EIF4G3: variants seen among roughly 807,000 people sequenced by gnomAD.
EIF4G3 encodes the protein eIF-4-gamma 3.
EIF4G3 carries 34 observed loss-of-function variants against 186.4 expected under a neutral mutation model. The ratio of observed to expected loss-of-function variants is 0.18; its 90% confidence interval spans 0.14 to 0.24. The LOEUF (loss-of-function observed/expected upper bound fraction) is 0.24, where lower values mean the gene tolerates loss of function less well. Ranked by LOEUF, EIF4G3 falls within the 10% of genes least tolerant of loss-of-function variation. The pLI is 1.00. For synonymous variants in EIF4G3, 673 were observed against 679.5 expected, an observed-to-expected ratio of 0.99 and a Z score of 0.15; for missense variants, 1,536 against 1,948.5, an observed-to-expected ratio of 0.79 and a Z score of 3.99.
chr1:21,139,212 ATACTAT>A (rs1448818878), intron 2 of EIF4G3, among the ~76,000 whole-genome samples: 1 of 152,242 alleles, frequency 6.6e-6, no homozygotes, highest in African/African-American at 2.4e-5. Flanking sequence ...AACCCTGTTT[ATACTAT>A]TACTCTAGAA....
At position 20,955,693 on chromosome 1, in the gene EIF4G3, T is replaced by C. The variant is rs559473381; in HGVS notation, c.715-5582A>G. ...GCAGTTACTTAATTTTACTTAAAGG[T>C]TGGGGGTAAACTGACTGGGCTTGAT... is the stretch of plus-strand genomic sequence containing the variant. On this transcript the variant is annotated intron_variant, in intron 12 of 36. Transcript: ENST00000602326. 3.3e-5 allele frequency among the ~76,000 whole-genome samples: 5 copies of C among 152,138 alleles called. No individual in the cohort carries two copies. The East Asian group carries it at 9.7e-4, about 29-fold the overall frequency.
intron 4 of EIF4G3, among the ~76,000 whole-genome samples, chr1:21,017,846 C>A (rs1164864497): frequency 6.6e-6 from 1 of 152,018 alleles, no homozygotes; most frequent in Non-Finnish European, 1.5e-5. Flanking sequence ...CCCAAGCATT[C>A]TGGATAAGGG....
In EIF4G3 at chr1:20,969,496, G is replaced by T; in HGVS notation, c.692C>A (p.Thr231Lys). 6.2e-7 allele frequency: 1 copy of T among 1,613,834 alleles called. No individual in the cohort carries two copies. Among genetic ancestry groups the T allele is most frequent in the East Asian group, 2.2e-5 (1 of 44,870 alleles). The change falls in exon 12 of 37, where the codon ACG becomes AAG. Residue 231 changes from threonine to lysine, a missense_variant. Coordinates refer to ENST00000602326, the MANE Select transcript of EIF4G3 (RefSeq NM_001391906.1). ...TACCTGAGGAGGAGTAGGTGTGGACGTGGGTCTTCCTATGGGTGGAGTAGG... is the reference window on the plus strand; with the variant it reads ...TACCTGAGGAGGAGTAGGTGTGGACTTGGGTCTTCCTATGGGTGGAGTAGG... ...RNPTPPIGRP[T>K]STPTPPQQLP...
At chr1:21,002,917 A>G in intron 4 of EIF4G3, 109 bp from the exon 5 acceptor site, 1 of 568,078 alleles carries the variant, frequency 1.8e-6, no homozygotes. Flanking sequence ...AATGTGGTTT[A>G]TATTCTACTT....
intron 3 of EIF4G3, among the ~76,000 whole-genome samples, chr1:21,062,503 A>G (rs895982264): frequency 3.3e-5 from 5 of 152,230 alleles, no homozygotes; most frequent in African/African-American, 4.8e-5. Flanking sequence ...AACCAATGTC[A>G]GTAGTCTCAG....
intron 18 of EIF4G3, among the ~76,000 whole-genome samples, chr1:20,889,980 GT>G (rs1003364631): frequency 1.8e-4 from 26 of 140,594 alleles, no homozygotes; most frequent in Middle Eastern, 3.7e-3. Context: ...TTGGTTTTTT[GT>G]TTTTTTTTTT....
Position 21,106,897 on chromosome 1 carries a change from T to C in EIF4G3, c.-271-17684A>G, listed in dbSNP as rs142811543. On this transcript the variant is annotated intron_variant, in intron 2 of 36. Transcript: ENST00000602326. ...ATTGTATTCAAAATACTCTTCACAC[T>C]TTACACTCTACTGTTGACACATCAG... Among the ~76,000 whole-genome samples, 691 of 152,242 alleles carry C rather than the reference T, an allele frequency of 4.5e-3. 5 individuals carry two copies. The highest frequency in any genetic ancestry group is 0.016 in the African/African-American group (657 of 41,536).
rs116474689 is a variant in EIF4G3, at chr1:20,956,176, T to C, written c.715-6065A>G. ...GTTCTTTCTATACTAATTCTTTCTATACTAATATGGTTTGACTGTCCCCAC... is the reference window on the plus strand; with the variant it reads ...GTTCTTTCTATACTAATTCTTTCTACACTAATATGGTTTGACTGTCCCCAC... On this transcript the variant is annotated intron_variant, in intron 12 of 36. Coordinates refer to ENST00000602326, the MANE Select transcript of EIF4G3 (RefSeq NM_001391906.1). Among the ~76,000 whole-genome samples the C allele has an allele frequency of 8.6e-4, 131 of 152,330 alleles. 1 individual carries two copies. The highest frequency in any genetic ancestry group is 2.9e-3 in the African/African-American group (122 of 41,588).
At chr1:20,928,715 A>G (rs755593352) in intron 14 of EIF4G3, among the ~76,000 whole-genome samples, 2 of 152,152 alleles carry the variant, frequency 1.3e-5, no homozygotes, top group South Asian at 4.1e-4. Flanking sequence ...TTTAAAATAT[A>G]TATGTAATAT....
Position 20,945,201 on chromosome 1 carries a change from C to G in EIF4G3, c.824-2871G>C, listed in dbSNP as rs577187243. ...CTTCTATTATAAAAAGTTTGGCCAT[C>G]TTTAGGAATTTGCAGGAATTCCAGC... is the stretch of plus-strand genomic sequence containing the variant. On this transcript the variant is annotated intron_variant, in intron 13 of 36. Coordinates refer to ENST00000602326, the MANE Select transcript of EIF4G3 (RefSeq NM_001391906.1). 1.2e-3 allele frequency among the ~76,000 whole-genome samples: 185 copies of G among 151,468 alleles called. 1 individual carries two copies. The highest frequency in any genetic ancestry group is 4.2e-3 in the African/African-American group (175 of 41,304).
intron 2 of EIF4G3, among the ~76,000 whole-genome samples, chr1:21,170,228 G>C (rs2097931191): frequency 6.6e-6 from 1 of 151,802 alleles, no homozygotes; most frequent in South Asian, 2.1e-4. Flanking sequence ...TAAATTTACA[G>C]ACTGCCTACT....
At chr1:21,099,059 C>T (rs893286235) in intron 2 of EIF4G3, among the ~76,000 whole-genome samples, 4 of 152,114 alleles carry the variant, frequency 2.6e-5, no homozygotes, top group Non-Finnish European at 5.9e-5. Context: ...CAAATTAAAA[C>T]CAAAACGAGA....
rs80266043 is a variant in EIF4G3, at chr1:20,983,481, G to A, written c.178-1073C>T. 6.6e-4 allele frequency among the ~76,000 whole-genome samples: 101 copies of A among 152,266 alleles called. 1 individual carries two copies. The East Asian group carries it at 0.013, about 19-fold the overall frequency. On this transcript the variant is annotated intron_variant, in intron 7 of 36. Coordinates refer to ENST00000602326, the MANE Select transcript of EIF4G3 (RefSeq NM_001391906.1). ...CTCCCATTACTGGACTGCATTTCTC[G>A]TAATTACAAAGCAAACAGAATCTAT...
intron 4 of EIF4G3, among the ~76,000 whole-genome samples, chr1:21,018,347 C>T (rs1226150169): frequency 6.6e-6 from 1 of 151,902 alleles, no homozygotes; most frequent in Admixed American, 6.6e-5. Flanking sequence ...TTTGGGAGGC[C>T]GAGGCGGGCG....
intron 34 of EIF4G3, among the ~76,000 whole-genome samples, chr1:20,815,571 G>A (rs2060417405): frequency 6.6e-6 from 1 of 151,826 alleles, no homozygotes; most frequent in African/African-American, 2.4e-5. Context: ...GAAGTGGGGA[G>A]CCCCTCCGTC....
intron 14 of EIF4G3, 53 bp downstream of exon 14, chr1:20,941,438 A>ACT: frequency 6.2e-7 from 1 of 1,609,446 alleles, no homozygotes; most frequent in Non-Finnish European, 8.5e-7. Context: ...TAACTCAAAC[A>ACT]CTGCCTCTTC....
chr1:20,836,844 T>C (rs2066897487), intron 30 of EIF4G3, among the ~76,000 whole-genome samples: 1 of 152,210 alleles, frequency 6.6e-6, no homozygotes, highest in Non-Finnish European at 1.5e-5. Context: ...TCTGAAATCA[T>C]GATATAAAAA....
chr1:20,915,725 C>T (rs1444035566), intron 14 of EIF4G3, among the ~76,000 whole-genome samples: 1 of 152,140 alleles, frequency 6.6e-6, no homozygotes, highest in Non-Finnish European at 1.5e-5. Flanking sequence ...CGAAATTCCT[C>T]ATCTAGATAA....
At chr1:20,963,557 C>G (rs1323424524) in intron 12 of EIF4G3, among the ~76,000 whole-genome samples, 1 of 152,140 alleles carries the variant, frequency 6.6e-6, no homozygotes, top group Non-Finnish European at 1.5e-5. Context: ...GCATAGGACT[C>G]TCTCCCATGT....
Sources: allele counts gnomAD v4.1 joint callset (sites outside exome capture counted in the v4.1 genomes callset), GRCh38; gene constraint gnomAD v4.1.1; transcripts MANE v1.5; gene names NCBI Gene and HGNC (gene_info 2026-07-23, HGNC 2026-07-21).